Variants in ARL13B observed in about 807,000 individuals in gnomAD.
The protein encoded by ARL13B is ARF like GTPase 13B, also known as ADP-ribosylation factor-like protein 13B.
Under a neutral mutation model 56.1 loss-of-function variants are expected in ARL13B, and 36 were observed. The ratio of observed to expected loss-of-function variants is 0.64; its 90% CI spans 0.49 to 0.85. ARL13B has a LOEUF of 0.85. ARL13B is among the 40% of genes least tolerant of loss of function. The probability of loss-of-function intolerance (pLI) is 0.00; values close to 1 mark genes in which losing one functional copy is unlikely to be tolerated. For synonymous variants in ARL13B, 178 were observed against 171.1 expected (o/e 1.04, Z -0.32); for missense variants, 519 against 507.1 (o/e 1.02, Z -0.23).
At chr3:94,009,442 C>G (rs2076187509) in intron 3 of ARL13B, among the ~76,000 whole-genome samples, 1 of 151,802 alleles carries the variant, frequency 6.6e-6, no homozygotes, top group African/African-American at 2.4e-5. Context: ...ATTGTAAGTG[C>G]CCAGGAGAAG....
chr3:94,000,974 G>C (rs564388584), intron 2 of ARL13B, among the ~76,000 whole-genome samples: 114 of 152,228 alleles, frequency 7.5e-4, no homozygotes, highest in African/African-American at 2.7e-3. Context: ...TATGGGACAG[G>C]AGCTTCAGTT....
At chr3:93,990,146 A>T (rs1377112584) in intron 1 of ARL13B, among the ~76,000 whole-genome samples, 1 of 152,028 alleles carries the variant, frequency 6.6e-6, no homozygotes, top group East Asian at 1.9e-4. Flanking sequence ...CTGGGATTGC[A>T]GGTGGGCGCC....
At chr3:93,989,556 T>A (rs6799573) in intron 1 of ARL13B, among the ~76,000 whole-genome samples, 88,443 of 131,674 alleles carry the variant, frequency 0.67, 25,770 homozygotes, top group South Asian at 0.7. Flanking sequence ...CTATGGTTAA[T>A]TTTTTTTTTT....
chr3:94,035,287 C>A, intron 3 of ARL13B, 44 bp from the exon 4 acceptor site: 5 of 1,238,754 alleles, frequency 4.0e-6, no homozygotes, highest in Admixed American at 2.1e-5. Context: ...AGTTTCCATC[C>A]AATTATATAT....
In ARL13B at chr3:94,037,761, A is replaced by G. The variant is rs2076793581; in HGVS notation, c.689+1007A>G. On this transcript the variant is annotated intron_variant, in intron 5 of 9. Coordinates refer to ENST00000394222, the MANE Select transcript of ARL13B (RefSeq NM_001174150.2). ...ATTATGTGAAAACTCCTTTTCCTCC[A>G]CTAAGAAAATAAAAACAGAAGCAAC... Among the ~76,000 whole-genome samples, 4 of 151,998 alleles carry G rather than the reference A, an allele frequency of 2.6e-5. No homozygotes were observed. In the South Asian group the frequency reaches 8.3e-4, roughly 31 times the overall value.
intron 2 of ARL13B, among the ~76,000 whole-genome samples, chr3:93,997,275 T>A (rs2075983585): frequency 6.6e-6 from 1 of 152,192 alleles, no homozygotes. Flanking sequence ...TCTGCAAAAC[T>A]GGTCCCTGGT....
chr3:94,029,061 C>G (rs936426431), intron 3 of ARL13B, among the ~76,000 whole-genome samples: 4 of 151,220 alleles, frequency 2.6e-5, no homozygotes, highest in Non-Finnish European at 5.9e-5. Context: ...TTTTATTATG[C>G]CTGCTGTTTT....
intron 9 of ARL13B, among the ~76,000 whole-genome samples, chr3:94,051,477 A>G (rs758882852): frequency 3.9e-5 from 6 of 152,158 alleles, no homozygotes; most frequent in Non-Finnish European, 8.8e-5. Context: ...GCTATAGTCT[A>G]GATAGTTTAT....
chr3:94,002,999 A>G (rs1235856576), intron 2 of ARL13B, among the ~76,000 whole-genome samples: 2 of 152,100 alleles, frequency 1.3e-5, no homozygotes, highest in African/African-American at 2.4e-5. Flanking sequence ...TATTGTCATT[A>G]TCACTCCTTG....
chr3:94,045,397 C>G (rs368378130), intron 7 of ARL13B, among the ~76,000 whole-genome samples: 1 of 149,762 alleles, frequency 6.7e-6, no homozygotes, highest in Non-Finnish European at 1.5e-5. Flanking sequence ...ATCCTATGAC[C>G]GTGCCACATC....
intron 1 of ARL13B, 79 bp downstream of exon 1, chr3:93,980,561 C>T: frequency 6.4e-7 from 1 of 1,568,402 alleles, no homozygotes; most frequent in South Asian, 1.1e-5. Context: ...CGCCTTTTCC[C>T]CGCGCCTGGA....
At chr3:94,003,175 T>G (rs2076081328) in intron 2 of ARL13B, among the ~76,000 whole-genome samples, 1 of 152,212 alleles carries the variant, frequency 6.6e-6, no homozygotes, top group Admixed American at 6.5e-5. Flanking sequence ...TAAATATAAC[T>G]TTAATTCAGC....
chr3:94,033,188 G>A (rs2076707203), intron 3 of ARL13B, among the ~76,000 whole-genome samples: 2 of 152,154 alleles, frequency 1.3e-5, no homozygotes, highest in Admixed American at 1.3e-4. Flanking sequence ...ATGGAGTGTG[G>A]ATTAATAGAC....
chr3:93,996,279 C>T (rs546202905), intron 2 of ARL13B, among the ~76,000 whole-genome samples: 112 of 152,278 alleles, frequency 7.4e-4, no homozygotes, highest in African/African-American at 2.6e-3. Context: ...CTTCTACTTA[C>T]ATTTTCCTGG....
intron 3 of ARL13B, among the ~76,000 whole-genome samples, chr3:94,019,831 C>T (rs1350237640): frequency 6.6e-6 from 1 of 152,214 alleles, no homozygotes; most frequent in Non-Finnish European, 1.5e-5. Context: ...CTGGCACCAT[C>T]TGGCTTTAGG....
intron 3 of ARL13B, among the ~76,000 whole-genome samples, chr3:94,020,429 C>T (rs188991279): frequency 3.9e-5 from 6 of 152,186 alleles, no homozygotes; most frequent in African/African-American, 1.4e-4. Context: ...TTGAAGGACT[C>T]AACTCTTTAT....
At chr3:93,996,514 C>CTT in intron 2 of ARL13B, 1 of 268,226 alleles carries the variant, frequency 3.7e-6, no homozygotes, top group Non-Finnish European at 7.7e-6. Flanking sequence ...GCTGGCTAGT[C>CTT]TTCTTTTTTT....
intron 7 of ARL13B, chr3:94,047,751 G>A (rs1463022584): frequency 1.3e-5 from 2 of 152,042 alleles, no homozygotes; most frequent in Non-Finnish European, 2.9e-5. Flanking sequence ...CTACCCTAAA[G>A]TACCATTTGG....
chr3:94,041,289 TA>T (rs1209878981), intron 6 of ARL13B, among the ~76,000 whole-genome samples: 2 of 152,058 alleles, frequency 1.3e-5, no homozygotes, highest in African/African-American at 4.8e-5. Context: ...AGCATTTTAG[TA>T]CAAGATAAAG....
Sources: gnomAD v4.1 joint callset for allele counts (sites outside exome capture counted in the v4.1 genomes callset) on GRCh38, gnomAD v4.1.1 for gene constraint, MANE v1.5 for transcripts, NCBI Gene and HGNC (gene_info 2026-07-23, HGNC 2026-07-21) for gene names.